PHACTR4: variants seen among roughly 807,000 people sequenced by gnomAD.
PHACTR4 encodes the protein protein phosphatase 1, regulatory subunit 124.
Under a neutral mutation model 72.7 loss-of-function variants are expected in PHACTR4, and 51 were observed. That is an observed-to-expected ratio of 0.70 (90% CI 0.56 to 0.89). The LOEUF (loss-of-function observed/expected upper bound fraction) is 0.89, where lower values mean the gene tolerates loss of function less well. Among genes scored for constraint, PHACTR4 ranks in the 40% least tolerant of loss-of-function variants. PHACTR4 has a pLI of 0.00. For missense variants in PHACTR4, 731 were observed against 861.8 expected, an observed-to-expected ratio of 0.85 and a Z score of 1.90; for synonymous variants, 255 against 302.5, an observed-to-expected ratio of 0.84 and a Z score of 1.63.
At chr1:28,382,984 G>C (rs1474820681) in intron 1 of PHACTR4, among the ~76,000 whole-genome samples, 3 of 152,028 alleles carry the variant, frequency 2.0e-5, no homozygotes, top group Non-Finnish European at 4.4e-5. Flanking sequence ...GTAGAGACAG[G>C]GTTTCACCAT....
chr1:28,468,774 T>C (rs1461719352), intron 6 of PHACTR4, among the ~76,000 whole-genome samples: 4 of 152,188 alleles, frequency 2.6e-5, no homozygotes, highest in Non-Finnish European at 4.4e-5. Context: ...CTGATTTTAG[T>C]AAGCCTGGGA....
chr1:28,409,157 C>T (rs1214197884), intron 2 of PHACTR4, among the ~76,000 whole-genome samples: 1 of 146,402 alleles, frequency 6.8e-6, no homozygotes, highest in African/African-American at 2.6e-5. Flanking sequence ...CTGGATATCA[C>T]TGTGTTGCCC....
At chr1:28,450,377 A>G (rs775554023) in intron 2 of PHACTR4, among the ~76,000 whole-genome samples, 1 of 151,884 alleles carries the variant, frequency 6.6e-6, no homozygotes, top group Non-Finnish European at 1.5e-5. Flanking sequence ...ACAACAGTCT[A>G]TCCAAATGTG....
intron 13 of PHACTR4, chr1:28,494,198 CA>C (rs35161369): frequency 0.12 from 16,095 of 135,618 alleles, 1,968 homozygotes; most frequent in African/African-American, 0.32. Flanking sequence ...TCCATCCCTA[CA>C]AAAAAAAAAA....
At chr1:28,465,585 A>C in intron 4 of PHACTR4, 100 bp from the exon 5 acceptor site, 1 of 1,261,406 alleles carries the variant, frequency 7.9e-7, no homozygotes, top group Non-Finnish European at 1.1e-6. Flanking sequence ...ACCCTGTCTC[A>C]ATTTAAAAAA....
Position 28,496,611 on chromosome 1 carries a change from T to A in PHACTR4, c.*62T>A. 6.3e-7 allele frequency: 1 copy of A among 1,592,734 alleles called. No individual in the cohort carries two copies. The highest frequency in any genetic ancestry group is 8.6e-7 in the Non-Finnish European group (1 of 1,162,598). Reference sequence around the variant, plus strand: ...TGCTGCTTCCTTCTCCAAAGTGACATATGGAGGGAACTTTAGCACTTCCCA... The same window carrying A: ...TGCTGCTTCCTTCTCCAAAGTGACAAATGGAGGGAACTTTAGCACTTCCCA... On this transcript the variant is annotated 3_prime_UTR_variant, in exon 14 of 14. Coordinates refer to ENST00000373839, the MANE Select transcript of PHACTR4 (RefSeq NM_001048183.3).
At chr1:28,444,625 T>C (rs1414654244) in intron 2 of PHACTR4, among the ~76,000 whole-genome samples, 2 of 150,766 alleles carry the variant, frequency 1.3e-5, no homozygotes, top group African/African-American at 4.9e-5. Context: ...TTTATTATTA[T>C]TATTTTTTGA....
intron 1 of PHACTR4, among the ~76,000 whole-genome samples, chr1:28,376,747 C>T (rs1165764303): frequency 6.6e-6 from 1 of 152,016 alleles, no homozygotes; most frequent in Non-Finnish European, 1.5e-5. Flanking sequence ...CGCCATTTTC[C>T]TGCCTCAGCC....
intron 1 of PHACTR4, among the ~76,000 whole-genome samples, chr1:28,387,014 G>C (rs1652608491): frequency 6.6e-6 from 1 of 152,090 alleles, no homozygotes; most frequent in African/African-American, 2.4e-5. Flanking sequence ...TGTAATCCCA[G>C]CACTTTGGGA....
At chr1:28,442,515 A>T (rs2124414880) in intron 2 of PHACTR4, among the ~76,000 whole-genome samples, 1 of 151,480 alleles carries the variant, frequency 6.6e-6, no homozygotes. Flanking sequence ...TTATTTATTT[A>T]CTTTTTTTTG....
chr1:28,408,644 A>G (rs6680126), intron 2 of PHACTR4, among the ~76,000 whole-genome samples: 1,596 of 151,106 alleles, frequency 0.011, 25 homozygotes, highest in African/African-American at 0.037. Context: ...GTGTCTATAT[A>G]TGTGTGTGTG....
At chr1:28,472,311 A>G (rs905405727) in intron 6 of PHACTR4, among the ~76,000 whole-genome samples, 3 of 152,132 alleles carry the variant, frequency 2.0e-5, no homozygotes, top group Non-Finnish European at 4.4e-5. Flanking sequence ...GGGCAAAGTC[A>G]CCTAGCTTCT....
intron 1 of PHACTR4, among the ~76,000 whole-genome samples, chr1:28,370,824 G>A (rs1651187256): frequency 1.3e-5 from 2 of 152,070 alleles, no homozygotes; most frequent in Non-Finnish European, 2.9e-5. Context: ...GCGTGGTGGC[G>A]CGCGCCTGTA....
intron 1 of PHACTR4, among the ~76,000 whole-genome samples, chr1:28,383,646 G>A (rs1652355560): frequency 6.6e-6 from 1 of 152,098 alleles, no homozygotes; most frequent in South Asian, 2.1e-4. Context: ...TGATTTGGCA[G>A]TCAGCTTGAC....
intron 2 of PHACTR4, among the ~76,000 whole-genome samples, chr1:28,445,703 G>T (rs746567838): frequency 1.1e-4 from 17 of 152,004 alleles, no homozygotes; most frequent in Non-Finnish European, 1.8e-4. Context: ...AACGTGATTT[G>T]GAAATATATC....
At chr1:28,393,003 C>T (rs575892468) in intron 1 of PHACTR4, among the ~76,000 whole-genome samples, 3 of 152,198 alleles carry the variant, frequency 2.0e-5, no homozygotes, top group South Asian at 4.1e-4. Context: ...TGAACAAAAA[C>T]GTACTTTGAT....
At chr1:28,493,245 G>C (rs1281552863) in intron 13 of PHACTR4, among the ~76,000 whole-genome samples, 154 bp downstream of exon 13, 3 of 152,080 alleles carry the variant, frequency 2.0e-5, no homozygotes, top group Non-Finnish European at 4.4e-5. Context: ...AGAAGCAATA[G>C]TAAATGCCTA....
intron 1 of PHACTR4, among the ~76,000 whole-genome samples, chr1:28,404,039 T>C (rs766599269): frequency 1.3e-5 from 2 of 152,156 alleles, no homozygotes; most frequent in Non-Finnish European, 2.9e-5. Context: ...TATACAAGTT[T>C]TTCGTTTGTT....
chr1:28,404,835 C>T (rs990971125), intron 1 of PHACTR4, among the ~76,000 whole-genome samples: 3 of 152,066 alleles, frequency 2.0e-5, no homozygotes, highest in African/African-American at 4.8e-5. Flanking sequence ...CTGTGTGTTA[C>T]GGGGGTTTGG....
Sources: gnomAD v4.1 joint callset for allele counts (sites outside exome capture counted in the v4.1 genomes callset) on GRCh38, gnomAD v4.1.1 for gene constraint, MANE v1.5 for transcripts, NCBI Gene and HGNC (gene_info 2026-07-23, HGNC 2026-07-21) for gene names.